RNF4: variants seen among roughly 807,000 people sequenced by gnomAD.
RNF4 encodes the protein E3 ubiquitin-protein ligase RNF4.
RNF4 carries 7 observed loss-of-function variants against 24.3 expected under a neutral mutation model. The ratio of observed to expected loss-of-function variants is 0.29; its 90% CI spans 0.16 to 0.54. The LOEUF is 0.54. Ranked by LOEUF, RNF4 falls within the 20% of genes least tolerant of loss-of-function variation. RNF4 has a pLI of 0.95. For synonymous variants in RNF4, 83 were observed against 84.3 expected (o/e 0.98, Z 0.09); for missense variants, 209 against 248.5 (o/e 0.84, Z 1.07).
intron 1 of RNF4, among the ~76,000 whole-genome samples, chr4:2,470,642 C>T (rs1323187378): frequency 6.6e-6 from 1 of 152,122 alleles, no homozygotes; most frequent in Non-Finnish European, 1.5e-5. Flanking sequence ...CACATCTGTG[C>T]TTTGTACATA....
At chr4:2,491,974 G>A (rs959697842) in intron 2 of RNF4, among the ~76,000 whole-genome samples, 5 of 151,652 alleles carry the variant, frequency 3.3e-5, no homozygotes, top group South Asian at 2.1e-4. Flanking sequence ...CGAGGTGGGC[G>A]GATCACGAGG....
At chr4:2,489,765 G>C (rs983342257) in intron 1 of RNF4, 4 of 152,200 alleles carry the variant, frequency 2.6e-5, no homozygotes, top group African/African-American at 9.7e-5. Flanking sequence ...GAAGTCCAAG[G>C]GCCTCGCAGC....
At chr4:2,490,707 C>G (rs1735553882) in intron 2 of RNF4, 1 of 519,600 alleles carries the variant, frequency 1.9e-6, no homozygotes, top group Admixed American at 3.3e-5. Context: ...GGGCAGAGCC[C>G]TGAAGACAAA....
intron 1 of RNF4, among the ~76,000 whole-genome samples, chr4:2,483,442 G>A (rs1735301415): frequency 6.6e-6 from 1 of 152,180 alleles, no homozygotes; most frequent in African/African-American, 2.4e-5. Context: ...ATGAGCAAGA[G>A]GCTCATATTT....
intron 1 of RNF4, among the ~76,000 whole-genome samples, chr4:2,476,116 T>C (rs1312806900): frequency 1.3e-5 from 2 of 152,230 alleles, no homozygotes; most frequent in African/African-American, 4.8e-5. Context: ...TTCCTAAGTT[T>C]TCTCCTCTCA....
chr4:2,512,582 G>T lies in RNF4; in HGVS notation c.359G>T (p.Gly120Val), dbSNP rs779549191. 1 of 1,613,856 alleles carries T rather than the reference G, an allele frequency of 6.2e-7. No individual in the cohort carries two copies. The highest frequency in any genetic ancestry group is 8.5e-7 in the Non-Finnish European group (1 of 1,179,782). ...THTPRNARDE[G>V]ATGLRPSGTV... ...ACTCCCAGAAACGCCAGGGATGAGG[G>T]CGCTACAGGCCTCAGGTACCAACGT... Residue 120 changes from glycine to valine, a missense_variant, in exon 6 of 8, where the codon GGC (glycine) becomes GTC (valine). Coordinates refer to ENST00000314289, the MANE Select transcript of RNF4 (RefSeq NM_002938.5). This position sits in a 1 kb window ranked among gnomAD's most constrained non-coding sequence, Gnocchi z 4.1.
rs1268446171 is a variant in RNF4, at chr4:2,512,896, C to T, written c.375-187C>T. Among the ~76,000 whole-genome samples, 1 of 152,174 alleles carries T rather than the reference C, an allele frequency of 6.6e-6. No individual in the cohort carries two copies. Among genetic ancestry groups the T allele is most frequent in the Non-Finnish European group, 1.5e-5 (1 of 68,022 alleles). On this transcript the variant is annotated intron_variant, in intron 6 of 7. Transcript: ENST00000314289. This position sits in a 1 kb window ranked among gnomAD's most constrained non-coding sequence, Gnocchi z 4.1. ...GTGACTCAGGTTGTGTGCACCTTCT[C>T]ATGTTCACCCTCCCACATGCCCTTG...
rs758063460 is a variant in RNF4 at position 2,512,053 on chromosome 4, TC to T, written c.214+92del. ...CGGTGCTGCAGGTCTTGCCAGACCATCCCCAAGGGCTTGGAGCGCTCCAAGC... is the reference window on the plus strand; with the variant it reads ...CGGTGCTGCAGGTCTTGCCAGACCATCCCAAGGGCTTGGAGCGCTCCAAGC... On this transcript the variant is annotated intron_variant, in intron 5 of 7. Coordinates refer to ENST00000314289, the MANE Select transcript of RNF4 (RefSeq NM_002938.5). The surrounding 1 kb of genome is among the most constrained non-coding windows in gnomAD (Gnocchi z 4.1). 10 of 1,300,254 alleles carry T rather than the reference TC, an allele frequency of 7.7e-6. No homozygotes were observed. The South Asian group carries it at 1.3e-4, about 17-fold the overall frequency. The allele number at this position is 1,300,254 out of a possible 1,614,324, so 80.5% of individuals were successfully genotyped here.
chr4:2,470,781 G>T (rs1034784060), intron 1 of RNF4, among the ~76,000 whole-genome samples: 1 of 151,834 alleles, frequency 6.6e-6, no homozygotes, highest in Non-Finnish European at 1.5e-5. Flanking sequence ...GGTGAGGATG[G>T]AGGGAATAAG....
In RNF4 at chr4:2,497,201, T is replaced by C. The variant is rs529796537; in HGVS notation, c.124+80T>C. 5.8e-6 allele frequency: 6 copies of C among 1,033,780 alleles called. No individual in the cohort carries two copies. In the South Asian group the frequency reaches 7.6e-5, roughly 13 times the overall value. The allele number at this position is 1,033,780 out of a possible 1,614,324, so 64.0% of individuals were successfully genotyped here. On this transcript the variant is annotated intron_variant, in intron 3 of 7. Coordinates refer to ENST00000314289, the MANE Select transcript of RNF4 (RefSeq NM_002938.5). The stretch of plus-strand genomic sequence containing the variant: ...TGTACCAGGGTGAGCTAGTAGAAGG[T>C]GCTTTCAGTGTCTTTAGAAGGCCTA...
chr4:2,501,300 T>C (rs1305624112), intron 4 of RNF4, among the ~76,000 whole-genome samples: 6 of 152,188 alleles, frequency 3.9e-5, no homozygotes, highest in Admixed American at 2.0e-4. Context: ...GAACGTTGGC[T>C]CAGCACTGCC....
Position 2,469,185 on chromosome 4 carries a change from C to T in RNF4, c.-231C>T, listed in dbSNP as rs969020639. ...GGCGGCTGAAGAAGGAGCTTCTTCT[C>T]CGGAGTGCGCCGGCGGTGGCGCCTG... On this transcript the variant is annotated 5_prime_UTR_variant, in exon 1 of 8. Coordinates refer to ENST00000314289, the MANE Select transcript of RNF4 (RefSeq NM_002938.5). 6 of 152,220 alleles carry T rather than the reference C, an allele frequency of 3.9e-5. No homozygotes were observed. Among genetic ancestry groups the T allele is most frequent in the Admixed American group, 1.3e-4 (2 of 15,288 alleles). 9.4% of individuals were successfully genotyped at this position (152,220 alleles called of 1,614,324 possible).
At chr4:2,489,113 G>A (rs191128328) in intron 1 of RNF4, among the ~76,000 whole-genome samples, 56 of 152,278 alleles carry the variant, frequency 3.7e-4, no homozygotes, top group African/African-American at 1.3e-3. Context: ...ACACCCGGCC[G>A]ATGCCTGGAT....
At chr4:2,477,810 C>T (rs1296760841) in intron 1 of RNF4, among the ~76,000 whole-genome samples, 1 of 152,054 alleles carries the variant, frequency 6.6e-6, no homozygotes, top group Non-Finnish European at 1.5e-5. Context: ...CATACTGGTA[C>T]AGTAAGTTGG....
At chr4:2,474,108 G>A (rs1297203770) in intron 1 of RNF4, among the ~76,000 whole-genome samples, 2 of 152,016 alleles carry the variant, frequency 1.3e-5, no homozygotes, top group Admixed American at 1.3e-4. Flanking sequence ...AGGCAAGGTG[G>A]CTCACACCTG....
At chr4:2,511,908 C>G (rs1736279051) in intron 4 of RNF4, 48 bp from the exon 5 acceptor site, 2 of 1,570,192 alleles carry the variant, frequency 1.3e-6, no homozygotes, top group Non-Finnish European at 1.7e-6. Context: ...TCACTTATAT[C>G]AAACTGATTG....
chr4:2,491,758 G>A (rs932429936), intron 2 of RNF4, among the ~76,000 whole-genome samples: 2 of 151,810 alleles, frequency 1.3e-5, no homozygotes, highest in African/African-American at 2.4e-5. Flanking sequence ...TTAAGAGACA[G>A]GGTCTCACTC....
At chr4:2,495,760 G>A (rs1735717456) in intron 2 of RNF4, among the ~76,000 whole-genome samples, 2 of 152,244 alleles carry the variant, frequency 1.3e-5, no homozygotes, top group South Asian at 4.2e-4. Flanking sequence ...AGCCTCCCGA[G>A]TAGCTGGGAT....
At chr4:2,475,604 C>G (rs1735047568) in intron 1 of RNF4, among the ~76,000 whole-genome samples, 1 of 152,226 alleles carries the variant, frequency 6.6e-6, no homozygotes, top group South Asian at 2.1e-4. Flanking sequence ...TCCCAAAGTG[C>G]TGGGATTACA....
Sources: allele counts gnomAD v4.1 joint callset (sites outside exome capture counted in the v4.1 genomes callset), GRCh38; gene constraint gnomAD v4.1.1; non-coding constraint Gnocchi (gnomAD v3.1); transcripts MANE v1.5; gene names NCBI Gene and HGNC (gene_info 2026-07-23, HGNC 2026-07-21).